The following TRAPPC9 variants were observed in gnomAD, a reference collection of about 807,000 sequenced individuals.
TRAPPC9 encodes the protein IKK2 binding protein.
TRAPPC9 carries 83 observed loss-of-function variants against 124.0 expected under a neutral mutation model. The ratio of observed to expected loss-of-function variants is 0.67; its 90% CI spans 0.56 to 0.80. TRAPPC9 has a LOEUF of 0.80. Among genes scored for constraint, TRAPPC9 ranks in the 30% least tolerant of loss-of-function variants. The probability of loss-of-function intolerance (pLI) is 0.00; values close to 1 mark genes in which losing one functional copy is unlikely to be tolerated. For missense variants in TRAPPC9, 1,302 were observed against 1,508.3 expected (o/e 0.86, Z 2.27); for synonymous variants, 638 against 617.5 (o/e 1.03, Z -0.49).
At chr8:139,790,765 C>A (rs1247283547) in intron 21 of TRAPPC9, among the ~76,000 whole-genome samples, 1 of 152,196 alleles carries the variant, frequency 6.6e-6, no homozygotes, top group African/African-American at 2.4e-5. Context: ...TCCACCAAAT[C>A]TCATGGTGAA....
intron 17 of TRAPPC9, among the ~76,000 whole-genome samples, chr8:140,164,442 A>ATCCTTCT (rs983923249): frequency 6.6e-6 from 1 of 152,050 alleles, no homozygotes; most frequent in Non-Finnish European, 1.5e-5. Context: ...TCTGCCACCC[A>ATCCTTCT]TCCTTCTTCC....
At chr8:139,987,813 C>T (rs1837339452) in intron 19 of TRAPPC9, among the ~76,000 whole-genome samples, 2 of 152,162 alleles carry the variant, frequency 1.3e-5, no homozygotes, top group African/African-American at 2.4e-5. Flanking sequence ...GACAGCATCA[C>T]CCCGGAGTCA....
chr8:140,146,028 T>A (rs1175561647), intron 17 of TRAPPC9, among the ~76,000 whole-genome samples: 1 of 152,224 alleles, frequency 6.6e-6, no homozygotes, highest in Non-Finnish European at 1.5e-5. Flanking sequence ...TCAGTACTTA[T>A]TACCTTACAT....
Position 139,885,930 on chromosome 8 carries a change from G to A in TRAPPC9, c.3004C>T (p.Leu1002Phe). ...TGCTCCAGGACGAGCTGGTTCAGGA[G>A]TCCTTCCACACTCGCCTCGCCACTG... is the stretch of plus-strand genomic sequence containing the variant. ...KRSGEASVEG[L>F]LNQLVLEHLQ... The change falls in exon 21 of 23, where the codon CTC becomes TTC. Residue 1002 changes from leucine (L) to phenylalanine (F), a missense_variant. Physicochemically the swap from Leu to Phe is conservative, Grantham distance 22 (BLOSUM62 0). Around this residue, in one of 3 missense-constraint regions of TRAPPC9, gnomAD observed 640 missense variants for 679.3 expected, o/e 0.94. Transcript: ENST00000438773. 6.3e-7 allele frequency: 1 copy of A among 1,574,898 alleles called. No individual in the cohort carries two copies. Among genetic ancestry groups the A allele is most frequent in the Non-Finnish European group, 8.6e-7 (1 of 1,159,434 alleles).
intron 18 of TRAPPC9, among the ~76,000 whole-genome samples, chr8:140,010,791 C>G (rs80181841): frequency 0.017 from 2,658 of 152,224 alleles, 71 homozygotes; most frequent in African/African-American, 0.058. Flanking sequence ...ATTTATATTA[C>G]AAAAACCACC....
intron 18 of TRAPPC9, among the ~76,000 whole-genome samples, chr8:139,997,462 ATATCCCACACAGGGGAGACAATG>A (rs1563676442): frequency 8.1e-6 from 1 of 122,840 alleles, no homozygotes. Context: ...AGGAGACAAT[ATATCCCACACAGGGGAGACAATG>A]CATTCCACAC....
At chr8:140,359,455 G>A (rs2067866839) in intron 9 of TRAPPC9, among the ~76,000 whole-genome samples, 1 of 152,162 alleles carries the variant, frequency 6.6e-6, no homozygotes, top group South Asian at 2.1e-4. Flanking sequence ...GCCAAGAAAG[G>A]AGCCCGGGAG....
chr8:140,350,014 A>G (rs954409335), intron 9 of TRAPPC9, among the ~76,000 whole-genome samples: 1 of 152,148 alleles, frequency 6.6e-6, no homozygotes, highest in Non-Finnish European at 1.5e-5. Flanking sequence ...CCCTTTTCTA[A>G]AAACGTCTTC....
At chr8:139,945,736 G>A (rs958938217) in intron 19 of TRAPPC9, among the ~76,000 whole-genome samples, 1 of 152,194 alleles carries the variant, frequency 6.6e-6, no homozygotes, top group Non-Finnish European at 1.5e-5. Context: ...CATGAGACAA[G>A]TCTGAATAGA....
At chr8:139,892,065 C>A (rs752224055) in intron 20 of TRAPPC9, among the ~76,000 whole-genome samples, 1 of 152,214 alleles carries the variant, frequency 6.6e-6, no homozygotes, top group South Asian at 2.1e-4. Context: ...TGCATGCACA[C>A]CAGTGTGAAT....
intron 9 of TRAPPC9, among the ~76,000 whole-genome samples, chr8:140,345,769 G>A (rs1035028189): frequency 1.3e-5 from 2 of 152,218 alleles, no homozygotes; most frequent in African/African-American, 4.8e-5. Context: ...AGGAAATGCA[G>A]GAGTCAGCTA....
chr8:140,150,546 T>C (rs2061528569), intron 17 of TRAPPC9, among the ~76,000 whole-genome samples: 1 of 152,232 alleles, frequency 6.6e-6, no homozygotes, highest in Admixed American at 6.5e-5. Flanking sequence ...AAGAGTTGGT[T>C]GGGATGGATA....
chr8:140,231,481 CTTTTTTTTTTTTTTTT>C (rs71320347), intron 16 of TRAPPC9, among the ~76,000 whole-genome samples: 3 of 56,954 alleles, frequency 5.3e-5, no homozygotes, highest in Admixed American at 2.9e-4. Context: ...ACTGCCTTTT[CTTTTTTTTTTTTTTTT>C]TTTTTTTTTT....
At chr8:140,065,369 A>G (rs775548541) in intron 17 of TRAPPC9, among the ~76,000 whole-genome samples, 5 of 152,228 alleles carry the variant, frequency 3.3e-5, no homozygotes, top group Non-Finnish European at 5.9e-5. Context: ...CCTAGCAAAG[A>G]TCATTGAGGA....
At chr8:140,109,537 C>T (rs1047313098) in intron 17 of TRAPPC9, among the ~76,000 whole-genome samples, 4 of 151,920 alleles carry the variant, frequency 2.6e-5, no homozygotes, top group Non-Finnish European at 5.9e-5. Context: ...AGCTGCATGA[C>T]CTTGAAAAAA....
chr8:139,753,102 C>A (rs145417429), intron 21 of TRAPPC9, among the ~76,000 whole-genome samples: 1 of 143,230 alleles, frequency 7.0e-6, no homozygotes, highest in Admixed American at 6.8e-5. Flanking sequence ...CCAACATCTA[C>A]CCATCCATTC....
At chr8:140,292,399 C>T (rs1377099617) in intron 11 of TRAPPC9, among the ~76,000 whole-genome samples, 1 of 152,200 alleles carries the variant, frequency 6.6e-6, no homozygotes, top group African/African-American at 2.4e-5. Context: ...AACTCAGAGG[C>T]ACCCCGAGCA....
At chr8:140,185,008 G>T (rs1271815844) in intron 17 of TRAPPC9, among the ~76,000 whole-genome samples, 2 of 152,158 alleles carry the variant, frequency 1.3e-5, no homozygotes, top group Admixed American at 1.3e-4. Flanking sequence ...CATGATACCA[G>T]TTCTAGACAG....
rs1838052397 is a variant in TRAPPC9 at position 139,997,139 on chromosome 8, C to T, written c.2700-8303G>A. Among the ~76,000 whole-genome samples, 2 of 152,190 alleles carry T rather than the reference C, an allele frequency of 1.3e-5. 1 individual carries two copies. The highest frequency in any genetic ancestry group is 4.1e-4 in the South Asian group (2 of 4,836). On this transcript the variant is annotated intron_variant, in intron 18 of 22. Coordinates refer to ENST00000438773, the MANE Select transcript of TRAPPC9 (RefSeq NM_001160372.4). ...CCATCTGGAAAGCTGCCAGAGCAAA[C>T]AATACATCCTGCACAGGGAAACAAT...
Sources: allele counts gnomAD v4.1 joint callset (sites outside exome capture counted in the v4.1 genomes callset), GRCh38; gene constraint gnomAD v4.1.1; regional missense constraint gnomAD v4.1.1; transcripts MANE v1.5; gene names NCBI Gene and HGNC (gene_info 2026-07-23, HGNC 2026-07-21).